Variants in FGF2 observed in about 807,000 individuals in gnomAD.
The protein encoded by FGF2 is fibroblast growth factor 2.
Under a neutral mutation model 15.9 loss-of-function variants are expected in FGF2, and 13 were observed. That is an observed-to-expected ratio of 0.82 (90% CI 0.53 to 1.30). The LOEUF is 1.30. Ranked by LOEUF, FGF2 falls within the 50% of genes most tolerant of loss-of-function variation. The pLI, the probability that FGF2 is intolerant of heterozygous loss-of-function variation, is 0.00. For missense variants in FGF2, 163 were observed against 196.9 expected, an observed-to-expected ratio of 0.83 and a Z score of 1.03; for synonymous variants, 90 against 78.4, an observed-to-expected ratio of 1.15 and a Z score of -0.78.
intron 1 of FGF2, among the ~76,000 whole-genome samples, chr4:122,836,737 A>G (rs1274102115): frequency 2.0e-5 from 3 of 152,242 alleles, no homozygotes; most frequent in African/African-American, 7.2e-5. Flanking sequence ...TATAAATACT[A>G]TAGTATGAGG....
intron 1 of FGF2, among the ~76,000 whole-genome samples, chr4:122,832,866 A>G (rs1725791878): frequency 6.6e-6 from 1 of 152,180 alleles, no homozygotes; most frequent in Admixed American, 6.5e-5. Flanking sequence ...ATGACCGCCA[A>G]CAAGGCCTTT....
At position 122,838,453 on chromosome 4, in the gene FGF2, GTGT is replaced by G. The variant is rs1725910114; in HGVS notation, c.178+11106_178+11108del. 5.9e-5 allele frequency among the ~76,000 whole-genome samples: 9 copies of G among 152,300 alleles called. 1 individual carries two copies. The South Asian group carries it at 1.9e-3, about 32-fold the overall frequency. On this transcript the variant is annotated intron_variant, in intron 1 of 2. Coordinates refer to ENST00000644866, the MANE Select transcript of FGF2 (RefSeq NM_001361665.2). ...TCTTAAATACAAACTTATGAAGCAG[GTGT>G]TGTTATCTTCATTTGACAAGTAAGA...
rs1727325377 is a variant in FGF2 at position 122,895,609 on chromosome 4, C to A, written c.*3213C>A. The A allele has an allele frequency of 6.6e-6, 1 of 152,090 alleles. No individual in the cohort carries two copies. The highest frequency in any genetic ancestry group is 1.5e-5 in the Non-Finnish European group (1 of 68,022). The allele number at this position is 152,090 out of a possible 1,614,324, so 9.4% of individuals were successfully genotyped here. On this transcript the variant is annotated 3_prime_UTR_variant, in exon 3 of 3. Coordinates refer to ENST00000644866, the MANE Select transcript of FGF2 (RefSeq NM_001361665.2). ...GTGGTAATACGATTTTTTAAGAAGG[C>A]AGTTTGTCAATTTTAATCTTGTGGA...
intron 1 of FGF2, among the ~76,000 whole-genome samples, chr4:122,831,908 A>G (rs1042408274): frequency 6.6e-6 from 1 of 152,250 alleles, no homozygotes; most frequent in Non-Finnish European, 1.5e-5. Flanking sequence ...TTACAGATGT[A>G]ATGAACAAAA....
chr4:122,830,816 CAAAAAAAAAAAA>C (rs35597051), intron 1 of FGF2, among the ~76,000 whole-genome samples: 9 of 92,812 alleles, frequency 9.7e-5, no homozygotes, highest in Non-Finnish European at 1.9e-4. Context: ...CTCTTATTTA[CAAAAAAAAAAAA>C]AAAAAAAAAA....
chr4:122,850,227 A>C (rs1726200233), intron 1 of FGF2, among the ~76,000 whole-genome samples: 1 of 151,486 alleles, frequency 6.6e-6, no homozygotes, highest in East Asian at 1.9e-4. Context: ...GCACCACTGC[A>C]CTCCATCCTG....
chr4:122,863,546 C>T (rs1726514889), intron 1 of FGF2, among the ~76,000 whole-genome samples: 1 of 152,112 alleles, frequency 6.6e-6, no homozygotes, highest in African/African-American at 2.4e-5. Flanking sequence ...ATACCTTGCT[C>T]ATGTGGTTAT....
intron 2 of FGF2, among the ~76,000 whole-genome samples, chr4:122,878,217 TAAG>T (rs1481202537): frequency 2.6e-5 from 4 of 152,150 alleles, no homozygotes; most frequent in African/African-American, 4.8e-5. Context: ...TAGGAAAGGA[TAAG>T]AAGTATTATG....
At chr4:122,828,458 A>G (rs1322271128) in intron 1 of FGF2, among the ~76,000 whole-genome samples, 1 of 152,174 alleles carries the variant, frequency 6.6e-6, no homozygotes, top group East Asian at 1.9e-4. Flanking sequence ...TCCTTCCTTT[A>G]TGGGTTCCAG....
chr4:122,887,319 A>G (rs1727079011), intron 2 of FGF2, among the ~76,000 whole-genome samples: 1 of 152,136 alleles, frequency 6.6e-6, no homozygotes, highest in Non-Finnish European at 1.5e-5. Flanking sequence ...GTCTCAAAAC[A>G]AAACAAAACA....
chr4:122,837,513 A>G (rs368733537), intron 1 of FGF2, among the ~76,000 whole-genome samples: 37 of 152,300 alleles, frequency 2.4e-4, no homozygotes, highest in African/African-American at 8.4e-4. Flanking sequence ...TACTTGCTGC[A>G]TGTCTTCATG....
rs184614458 is a variant in FGF2, at chr4:122,897,508, C to T, written c.*5112C>T. ...TGAGGTAATTTCTGAAATGTTCAGACTCAGTCGGAACAAATTGGAAAATTT... is the reference window on the plus strand; with the variant it reads ...TGAGGTAATTTCTGAAATGTTCAGATTCAGTCGGAACAAATTGGAAAATTT... On this transcript the variant is annotated 3_prime_UTR_variant, in exon 3 of 3. Transcript: ENST00000644866. 5.4e-6 allele frequency: 4 copies of T among 745,278 alleles called. No homozygotes were observed. In the East Asian group the frequency reaches 1.0e-4, roughly 19 times the overall value. 46.2% of individuals were successfully genotyped at this position (745,278 alleles called of 1,614,324 possible). A position where few individuals can be genotyped will look rare whatever the true frequency, so the allele number is the denominator to read the frequency against.
At position 122,827,019 on chromosome 4, in the gene FGF2, CGCGGGCGCGGCCGCGCGCTGCCGG is replaced by C; in HGVS notation, c.-150_-127del. The C allele has an allele frequency of 8.3e-7, 1 of 1,201,094 alleles. No individual in the cohort carries two copies. Among genetic ancestry groups the C allele is most frequent in the Non-Finnish European group, 1.0e-6 (1 of 969,044 alleles). The allele number at this position is 1,201,094 out of a possible 1,614,324, so 74.4% of individuals were successfully genotyped here. On this transcript the variant is annotated 5_prime_UTR_variant, in exon 1 of 3. Coordinates refer to ENST00000644866, the MANE Select transcript of FGF2 (RefSeq NM_001361665.2). The surrounding 1 kb of genome is among the most constrained non-coding windows in gnomAD (Gnocchi z 4.2). ...GCCGAGCGGCTCGAGGCTGGGGGAC[CGCGGGCGCGGCCGCGCGCTGCCGG>C]GCGGGAGGCTGGGGGGCCGGGGCCG... is the stretch of plus-strand genomic sequence containing the variant.
chr4:122,869,096 T>G (rs1217356918), intron 1 of FGF2, among the ~76,000 whole-genome samples: 2 of 152,254 alleles, frequency 1.3e-5, no homozygotes, highest in Non-Finnish European at 2.9e-5. Context: ...TTTATTTTGC[T>G]GTGCAGAAAC....
In FGF2 at chr4:122,826,991, G is replaced by A. The variant is rs752745102; in HGVS notation, c.-184G>A. 2 of 1,267,190 alleles carry A rather than the reference G, an allele frequency of 1.6e-6. No homozygotes were observed. The highest frequency in any genetic ancestry group is 2.8e-5 in the South Asian group (1 of 36,362). 78.5% of individuals were successfully genotyped at this position (1,267,190 alleles called of 1,614,324 possible). A position where few individuals can be genotyped will look rare whatever the true frequency, so the allele number is the denominator to read the frequency against. On this transcript the variant is annotated 5_prime_UTR_variant, in exon 1 of 3. Transcript: ENST00000644866. ...GCACCAGGGGCCGGCGGACAGAAGA[G>A]CGGCCGAGCGGCTCGAGGCTGGGGG...
chr4:122,834,035 T>G (rs1190675522), intron 1 of FGF2, among the ~76,000 whole-genome samples: 1 of 152,198 alleles, frequency 6.6e-6, no homozygotes, highest in Non-Finnish European at 1.5e-5. Flanking sequence ...CAGGAAAGAT[T>G]AGGCTCACAG....
chr4:122,853,184 G>A (rs530220252), intron 1 of FGF2, among the ~76,000 whole-genome samples: 1 of 152,268 alleles, frequency 6.6e-6, no homozygotes, highest in African/African-American at 2.4e-5. Context: ...TGTGGTCCCA[G>A]CTACTTGGGA....
At chr4:122,842,633 C>T (rs1560739405) in intron 1 of FGF2, among the ~76,000 whole-genome samples, 1 of 152,162 alleles carries the variant, frequency 6.6e-6, no homozygotes, top group Non-Finnish European at 1.5e-5. Flanking sequence ...ATAGTGTCCA[C>T]TCTGAGGTTC....
intron 2 of FGF2, 63 bp from the exon 3 acceptor site, chr4:122,892,148 A>C: frequency 7.5e-7 from 1 of 1,326,486 alleles, no homozygotes; most frequent in Non-Finnish European, 1.1e-6. Context: ...ATAAATATTT[A>C]ATATGAAAAG....
Sources: gnomAD v4.1 joint callset for allele counts (sites outside exome capture counted in the v4.1 genomes callset) on GRCh38, gnomAD v4.1.1 for gene constraint, Gnocchi (gnomAD v3.1) non-coding constraint, MANE v1.5 for transcripts, NCBI Gene and HGNC (gene_info 2026-07-23, HGNC 2026-07-21) for gene names.